The following HECTD4 variants were observed in gnomAD, a reference collection of about 807,000 sequenced individuals.
The protein encoded by HECTD4 is HECT domain E3 ubiquitin protein ligase 4, also known as probable E3 ubiquitin-protein ligase HECTD4.
A neutral mutation model predicts 471.5 loss-of-function variants in HECTD4; 114 were observed. The observed-to-expected ratio is 0.24, with a 90% CI of 0.21 to 0.28. The LOEUF is 0.28. Among genes scored for constraint, HECTD4 ranks in the 10% least tolerant of loss-of-function variants. HECTD4 has a pLI of 1.00. For missense variants in HECTD4, 3,866 were observed against 5,651.5 expected (o/e 0.68, Z 10.13); for synonymous variants, 2,012 against 2,256.0 (o/e 0.89, Z 3.07).
intron 1 of HECTD4, among the ~76,000 whole-genome samples, chr12:112,320,216 T>C (rs1434069638): frequency 6.6e-6 from 1 of 151,846 alleles, no homozygotes; most frequent in African/African-American, 2.4e-5. Context: ...GCACCTGTCG[T>C]TGCGGCTACT....
At chr12:112,332,841 T>C (rs144250891) in intron 1 of HECTD4, among the ~76,000 whole-genome samples, 7 of 151,592 alleles carry the variant, frequency 4.6e-5, no homozygotes, top group Non-Finnish European at 1.0e-4. Flanking sequence ...CCTGAACCCA[T>C]TAGCAGTCAC....
chr12:112,296,384 G>A lies in HECTD4; in HGVS notation c.1335+9680C>T, dbSNP rs550486768. On this transcript the variant is annotated intron_variant, in intron 7 of 75. Transcript: ENST00000682272. Reference sequence around the variant, plus strand: ...GCAGCAAGTGGTAAGTACAGAAGGTGTAGGTGGAGTGGATGTGGGTGCAGA... The same window carrying A: ...GCAGCAAGTGGTAAGTACAGAAGGTATAGGTGGAGTGGATGTGGGTGCAGA... Among the ~76,000 whole-genome samples, 16 of 150,618 alleles carry A rather than the reference G, an allele frequency of 1.1e-4. No individual in the cohort carries two copies. The East Asian group carries it at 3.0e-3, about 28-fold the overall frequency.
intron 1 of HECTD4, among the ~76,000 whole-genome samples, chr12:112,376,554 C>T (rs1217138652): frequency 1.3e-5 from 2 of 152,150 alleles, no homozygotes; most frequent in African/African-American, 4.8e-5. Context: ...CCACACTCTG[C>T]ATTCTTAATT....
In HECTD4 at chr12:112,239,298, A is replaced by G; in HGVS notation, c.5106-62T>C. ...ACTGACCGACACTCAGGAAACTCTC[A>G]TGTGAGGTTCAAAGGGGCATAAAAC... On this transcript the variant is annotated intron_variant, in intron 33 of 75. Coordinates refer to ENST00000682272, the MANE Select transcript of HECTD4 (RefSeq NM_001388303.1). The surrounding 1 kb of genome is among the most constrained non-coding windows in gnomAD (Gnocchi z 4.9). 1 of 1,444,844 alleles carries G rather than the reference A, an allele frequency of 6.9e-7. No homozygotes were observed. The highest frequency in any genetic ancestry group is 1.4e-5 in the South Asian group (1 of 70,614). The allele number at this position is 1,444,844 out of a possible 1,614,324, so 89.5% of individuals were successfully genotyped here.
intron 58 of HECTD4, 116 bp downstream of exon 58, chr12:112,192,931 ATATGGAGAGAATTG>A: frequency 7.8e-7 from 1 of 1,278,566 alleles, no homozygotes; most frequent in Non-Finnish European, 1.1e-6. Flanking sequence ...AAACATAGAA[ATATGGAGAGAATTG>A]TAAGTCATTT....
intron 55 of HECTD4, among the ~76,000 whole-genome samples, chr12:112,195,695 T>C (rs559119794): frequency 1.3e-5 from 2 of 152,322 alleles, no homozygotes; most frequent in East Asian, 3.9e-4. Flanking sequence ...TTGGACAACT[T>C]TGTGAATATA....
At chr12:112,375,002 C>A (rs1224614463) in intron 1 of HECTD4, among the ~76,000 whole-genome samples, 1 of 152,182 alleles carries the variant, frequency 6.6e-6, no homozygotes, top group Admixed American at 6.5e-5. Context: ...GAAACCATCA[C>A]CACAATCAAA....
At chr12:112,219,538 A>C in intron 44 of HECTD4, 49 bp from the exon 45 acceptor site, 1 of 1,315,696 alleles carries the variant, frequency 7.6e-7, no homozygotes, top group East Asian at 2.3e-5. Flanking sequence ...CGCAACTCCC[A>C]AGTGGGTGCT....
chr12:112,306,222 C>T lies in HECTD4; in HGVS notation c.1177G>A (p.Val393Met), dbSNP rs2035268179. 1 of 1,563,202 alleles carries T rather than the reference C, an allele frequency of 6.4e-7. No individual in the cohort carries two copies. The highest frequency in any genetic ancestry group is 8.6e-7 in the Non-Finnish European group (1 of 1,158,296). ...DQNTLQVCQV[V>M]PMPANHLPIG... The stretch of plus-strand genomic sequence containing the variant: ...GGGAGGTGATTGGCTGGCATTGGCA[C>T]CACCTGGCACACCTGGGCATGAAAG... The change falls in exon 7 of 76, where the codon GTG becomes ATG. Residue 393 changes from valine (V) to methionine (M), a missense_variant. Val to Met is a conservative substitution (Grantham distance 21). Transcript: ENST00000682272.
intron 1 of HECTD4, among the ~76,000 whole-genome samples, chr12:112,348,691 C>T (rs1327927449): frequency 6.6e-6 from 1 of 152,028 alleles, no homozygotes; most frequent in African/African-American, 2.4e-5. Context: ...TTGCAGTGAG[C>T]TATGATCACA....
Position 112,204,468 on chromosome 12 carries a change from T to C in HECTD4, c.8269+18A>G. 6.2e-7 allele frequency: 1 copy of C among 1,606,576 alleles called. No individual in the cohort carries two copies. Among genetic ancestry groups the C allele is most frequent in the Non-Finnish European group, 8.5e-7 (1 of 1,176,406 alleles). ...TTCATAGGAAATTTCATAGGTCGAG[T>C]AAGGAGGAAAGCAAAACCTTTTCGA... On this transcript the variant is annotated intron_variant, in intron 53 of 75. Coordinates refer to ENST00000682272, the MANE Select transcript of HECTD4 (RefSeq NM_001388303.1).
chr12:112,271,072 C>CT (rs1484126230), intron 11 of HECTD4, among the ~76,000 whole-genome samples: 1 of 151,800 alleles, frequency 6.6e-6, no homozygotes, highest in Non-Finnish European at 1.5e-5. Flanking sequence ...CTACTTTTTG[C>CT]TTTTTCAAAA....
chr12:112,293,006 TGA>T (rs2034922625), intron 7 of HECTD4, among the ~76,000 whole-genome samples: 1 of 132,916 alleles, frequency 7.5e-6, no homozygotes, highest in Non-Finnish European at 1.6e-5. Flanking sequence ...TGGGCAGCAA[TGA>T]GAGACTCCAT....
At position 112,207,988 on chromosome 12, in the gene HECTD4, C is replaced by T. The variant is rs1429439643; in HGVS notation, c.8017G>A (p.Ala2673Thr). ...GTCTCCCATGCTTTCACCAGCAGGG[C>T]GTAGTGGTCCTCCTGGAAGCAGAAG... The part of the protein sequence containing the change: ...DDDIPQEDHY[A>T]LLVKAWETKV... The change falls in exon 52 of 76, where the codon GCC becomes ACC. Residue 2673 changes from alanine to threonine, a missense_variant. Ala to Thr is a moderately conservative substitution (Grantham distance 58). Transcript: ENST00000682272. 5 of 1,613,250 alleles carry T rather than the reference C, an allele frequency of 3.1e-6. No individual in the cohort carries two copies. The South Asian group carries it at 3.3e-5, about 11-fold the overall frequency.
rs2032184131 is a variant in HECTD4, at chr12:112,194,799, C to T, written c.8749+86G>A. The T allele has an allele frequency of 2.4e-6, 3 of 1,232,858 alleles. No individual in the cohort carries two copies. Among genetic ancestry groups the T allele is most frequent in the South Asian group, 1.4e-5 (1 of 69,852 alleles). 76.4% of individuals were successfully genotyped at this position (1,232,858 alleles called of 1,614,324 possible). On this transcript the variant is annotated intron_variant, in intron 56 of 75. Transcript: ENST00000682272. The surrounding 1 kb of genome is among the most constrained non-coding windows in gnomAD (Gnocchi z 4.6). ...CCTATGCGCACCATGAGGCATTTCT[C>T]GCCCTCATGCAGGGAATGACTACAC...
chr12:112,164,117 G>C lies in HECTD4; in HGVS notation c.12693C>G (p.Ile4231Met). Residue 4231 changes from isoleucine (I) to methionine (M), a missense_variant, in exon 73 of 76, where the codon ATC becomes ATG. Ile to Met is a conservative substitution (Grantham distance 10). This residue lies in a region of HECTD4 where 715 missense variants were observed against 1,087.6 expected (regional missense o/e 0.66). Transcript: ENST00000682272. ...EVELCSRGRH[I>M]LVAWENKDIY... ...CACGCGCACACACTCACGCCACAAG[G>C]ATGTGCCGGCCCCGGCTGCACAGCT... is the stretch of plus-strand genomic sequence containing the variant. 1 of 1,596,054 alleles carries C rather than the reference G, an allele frequency of 6.3e-7. No individual in the cohort carries two copies. The highest frequency in any genetic ancestry group is 8.5e-7 in the Non-Finnish European group (1 of 1,170,628).
chr12:112,310,836 G>C (rs1032475997), intron 4 of HECTD4, among the ~76,000 whole-genome samples: 1 of 152,116 alleles, frequency 6.6e-6, no homozygotes, highest in African/African-American at 2.4e-5. Context: ...TCTGTCGAGG[G>C]GCAGAAGTGA....
intron 38 of HECTD4, among the ~76,000 whole-genome samples, chr12:112,231,924 T>C (rs1032816464): frequency 1.3e-5 from 2 of 152,158 alleles, no homozygotes; most frequent in Admixed American, 6.6e-5. Context: ...ATAACTTCTG[T>C]GCAAATTCTG....
intron 7 of HECTD4, among the ~76,000 whole-genome samples, chr12:112,305,749 C>T (rs1319233020): frequency 3.3e-5 from 5 of 152,176 alleles, no homozygotes; most frequent in Non-Finnish European, 5.9e-5. Context: ...TCTGTAGACC[C>T]ATTCTTGCTA....
Sources: gnomAD v4.1 joint callset for allele counts (sites outside exome capture counted in the v4.1 genomes callset) on GRCh38, gnomAD v4.1.1 for gene constraint, gnomAD v4.1.1 regional missense constraint, Gnocchi (gnomAD v3.1) non-coding constraint, MANE v1.5 for transcripts, NCBI Gene and HGNC (gene_info 2026-07-23, HGNC 2026-07-21) for gene names.